PDIA5: variants seen among roughly 807,000 people sequenced by gnomAD.
The protein encoded by PDIA5 is protein disulfide isomerase family A member 5.
A neutral mutation model predicts 77.6 loss-of-function variants in PDIA5; 58 were observed. The observed-to-expected ratio is 0.75, with a 90% CI of 0.61 to 0.93. The LOEUF (loss-of-function observed/expected upper bound fraction) is 0.93, where lower values mean the gene tolerates loss of function less well. Ranked by LOEUF, PDIA5 falls within the 40% of genes least tolerant of loss-of-function variation. PDIA5 has a pLI of 0.00. For missense variants in PDIA5, 630 were observed against 647.7 expected (o/e 0.97, Z 0.30); for synonymous variants, 250 against 252.1 (o/e 0.99, Z 0.08).
intron 5 of PDIA5, among the ~76,000 whole-genome samples, chr3:123,106,204 A>G (rs1934729393): frequency 6.6e-6 from 1 of 152,238 alleles, no homozygotes. Flanking sequence ...ACAGAGGCGG[A>G]TAATCAGGAT....
chr3:123,079,273 T>G (rs977522416), intron 1 of PDIA5, among the ~76,000 whole-genome samples: 1 of 145,796 alleles, frequency 6.9e-6, no homozygotes, highest in East Asian at 2.0e-4. Context: ...CTCCGCCTCC[T>G]GGGTTCACGC....
In PDIA5 at chr3:123,125,267, G is replaced by A. The variant is rs532841361; in HGVS notation, c.773+924G>A. Among the ~76,000 whole-genome samples, 6 of 152,286 alleles carry A rather than the reference G, an allele frequency of 3.9e-5. No individual in the cohort carries two copies. In the East Asian group the frequency reaches 1.2e-3, roughly 29 times the overall value. On this transcript the variant is annotated intron_variant, in intron 10 of 16. Transcript: ENST00000316218. ...GGAGTAACAACAGCCAACATCTTTT[G>A]GGCTCTCCTTTGTGGCTGACATTGT...
intron 11 of PDIA5, among the ~76,000 whole-genome samples, chr3:123,131,011 C>T (rs147776993): frequency 6.6e-6 from 1 of 152,272 alleles, no homozygotes; most frequent in Non-Finnish European, 1.5e-5. Flanking sequence ...GGGGCTCATA[C>T]CTATAATCCC....
intron 8 of PDIA5, among the ~76,000 whole-genome samples, chr3:123,121,055 T>G (rs1488114965): frequency 2.0e-5 from 3 of 152,216 alleles, no homozygotes; most frequent in African/African-American, 7.2e-5. Context: ...AGTCCCGATT[T>G]CTTAGGTATT....
In PDIA5 at chr3:123,140,700, C is replaced by T. The variant is rs899986704; in HGVS notation, c.911-4822C>T. Reference sequence around the variant, plus strand: ...AGCTACAATTTCTGGCACTGTAAAACGGACCTACTGAGCTGTGTCATGTGT... The same window carrying T: ...AGCTACAATTTCTGGCACTGTAAAATGGACCTACTGAGCTGTGTCATGTGT... On this transcript the variant is annotated intron_variant, in intron 11 of 16. Coordinates refer to ENST00000316218, the MANE Select transcript of PDIA5 (RefSeq NM_006810.4). Among the ~76,000 whole-genome samples the T allele has an allele frequency of 3.9e-5, 6 of 152,226 alleles. No homozygotes were observed. In the South Asian group the frequency reaches 8.3e-4, roughly 21 times the overall value.
chr3:123,093,496 A>C (rs1225399729), intron 3 of PDIA5, among the ~76,000 whole-genome samples: 1 of 152,230 alleles, frequency 6.6e-6, no homozygotes, highest in African/African-American at 2.4e-5. Context: ...AGATGACAGC[A>C]GTTCTGCCAA....
rs116656414 is a variant in PDIA5, at chr3:123,130,287, G to A, written c.774-193G>A. Among the ~76,000 whole-genome samples, 696 of 152,344 alleles carry A rather than the reference G, an allele frequency of 4.6e-3. 8 individuals carry two copies. Among genetic ancestry groups the A allele is most frequent in the African/African-American group, 0.015 (618 of 41,592 alleles). ...ACCTGTCTGGGGCTTTGCGGGGAAG[G>A]TGGAGGTGGGCAGGGCCACACCACT... On this transcript the variant is annotated intron_variant, in intron 10 of 16. Coordinates refer to ENST00000316218, the MANE Select transcript of PDIA5 (RefSeq NM_006810.4).
chr3:123,105,741 A>T (rs139037606), intron 5 of PDIA5, among the ~76,000 whole-genome samples: 1 of 2,008 alleles, frequency 5.0e-4, no homozygotes, highest in Non-Finnish European at 2.6e-3. Flanking sequence ...ACACACACGC[A>T]CACACACACA....
rs572496866 is a variant in PDIA5, at chr3:123,110,824, C to T, written c.481-120C>T. Reference sequence around the variant, plus strand: ...CAGCGTATGCTTTCTGAAGTGCTCACTCCCCCTCCCCTCCCCATCCCTACC... The same window carrying T: ...CAGCGTATGCTTTCTGAAGTGCTCATTCCCCCTCCCCTCCCCATCCCTACC... On this transcript the variant is annotated intron_variant, in intron 6 of 16. Coordinates refer to ENST00000316218, the MANE Select transcript of PDIA5 (RefSeq NM_006810.4). The T allele has an allele frequency of 3.5e-6, 3 of 858,582 alleles. No homozygotes were observed. In the Admixed American group the frequency reaches 5.3e-5, roughly 15 times the overall value. The allele number at this position is 858,582 out of a possible 1,614,324, so 53.2% of individuals were successfully genotyped here.
intron 1 of PDIA5, among the ~76,000 whole-genome samples, chr3:123,088,116 C>G (rs72974434): frequency 6.6e-6 from 1 of 152,192 alleles, no homozygotes; most frequent in Non-Finnish European, 1.5e-5. Context: ...CCCAGTGGAA[C>G]TTTTCTTACT....
chr3:123,107,065 C>T (rs1185541521), intron 6 of PDIA5, among the ~76,000 whole-genome samples: 1 of 152,212 alleles, frequency 6.6e-6, no homozygotes, highest in Non-Finnish European at 1.5e-5. Context: ...CTCCATTCTT[C>T]ACCTTCCTTA....
chr3:123,078,429 T>G (rs1019833137), intron 1 of PDIA5, among the ~76,000 whole-genome samples: 5 of 152,218 alleles, frequency 3.3e-5, no homozygotes, highest in African/African-American at 1.2e-4. Context: ...TTTTTTTCTT[T>G]GTAACTTTTA....
intron 8 of PDIA5, among the ~76,000 whole-genome samples, chr3:123,120,317 C>G (rs994332582): frequency 1.3e-5 from 2 of 152,174 alleles, no homozygotes; most frequent in Non-Finnish European, 2.9e-5. Flanking sequence ...AGCCTTGGAG[C>G]CTCCATTTCT....
intron 15 of PDIA5, among the ~76,000 whole-genome samples, chr3:123,155,604 T>C (rs1402052603): frequency 6.6e-6 from 1 of 152,200 alleles, no homozygotes; most frequent in Admixed American, 6.5e-5. Context: ...GGGAGAGGGC[T>C]TGTGGGGCAG....
At chr3:123,082,177 T>C (rs1430329210) in intron 1 of PDIA5, among the ~76,000 whole-genome samples, 1 of 152,116 alleles carries the variant, frequency 6.6e-6, no homozygotes, top group Non-Finnish European at 1.5e-5. Flanking sequence ...TTCTGGGAGA[T>C]AGGGGCATTT....
At chr3:123,120,959 C>T (rs1935102060) in intron 8 of PDIA5, among the ~76,000 whole-genome samples, 1 of 152,188 alleles carries the variant, frequency 6.6e-6, no homozygotes, top group African/African-American at 2.4e-5. Flanking sequence ...CATAGCTCGT[C>T]CTTTCTGCTT....
rs995779481 is a variant in PDIA5 at position 123,128,772 on chromosome 3, C to T, written c.774-1708C>T. Among the ~76,000 whole-genome samples, 18 of 152,178 alleles carry T rather than the reference C, an allele frequency of 1.2e-4. No individual in the cohort carries two copies. In the South Asian group the frequency reaches 1.7e-3, roughly 14 times the overall value. ...TTAAAAAGAATACATTCAAAAGTCTCGCTTTCACTTCTTTCCTCCTTATCC... is the reference window on the plus strand; with the variant it reads ...TTAAAAAGAATACATTCAAAAGTCTTGCTTTCACTTCTTTCCTCCTTATCC... On this transcript the variant is annotated intron_variant, in intron 10 of 16. Transcript: ENST00000316218.
At chr3:123,082,131 G>C (rs1211966642) in intron 1 of PDIA5, among the ~76,000 whole-genome samples, 1 of 152,216 alleles carries the variant, frequency 6.6e-6, no homozygotes, top group East Asian at 1.9e-4. Context: ...CAGAGGGTTA[G>C]TCTAAACCCC....
chr3:123,115,802 T>G (rs1031676719), intron 7 of PDIA5, among the ~76,000 whole-genome samples: 5 of 152,268 alleles, frequency 3.3e-5, no homozygotes, highest in African/African-American at 4.8e-5. Flanking sequence ...TTCTTCATAA[T>G]GGCATTTGAC....
Sources: allele counts gnomAD v4.1 joint callset (sites outside exome capture counted in the v4.1 genomes callset), GRCh38; gene constraint gnomAD v4.1.1; transcripts MANE v1.5; gene names NCBI Gene and HGNC (gene_info 2026-07-23, HGNC 2026-07-21).